LAMP1: variants seen among roughly 807,000 people sequenced by gnomAD.
LAMP1 encodes lysosome-associated membrane glycoprotein 1.
LAMP1 carries 7 observed loss-of-function variants against 37.5 expected under a neutral mutation model. The observed-to-expected ratio is 0.19, with a 90% CI of 0.11 to 0.35. The LOEUF (loss-of-function observed/expected upper bound fraction) is 0.35. Ranked by LOEUF, LAMP1 falls within the 10% of genes least tolerant of loss-of-function variation. LAMP1 has a pLI of 1.00. For synonymous variants in LAMP1, 236 were observed against 229.1 expected (o/e 1.03, Z -0.27); for missense variants, 537 against 552.8 (o/e 0.97, Z 0.29).
Position 113,321,755 on chromosome 13 carries a change from G to T in LAMP1, c.1114+28G>T. 6.2e-7 allele frequency: 1 copy of T among 1,609,030 alleles called. No homozygotes were observed. Among genetic ancestry groups the T allele is most frequent in the Non-Finnish European group, 8.5e-7 (1 of 1,178,150 alleles). ...GAGTGTCACCGAGGGCAGCTGTCGC[G>T]GGGTGTGGAGGACGTGCTTCAGACT... On this transcript the variant is annotated intron_variant, in intron 8 of 8. Transcript: ENST00000332556. The surrounding 1 kb of genome is among the most constrained non-coding windows in gnomAD (Gnocchi z 5.6).
intron 2 of LAMP1, among the ~76,000 whole-genome samples, chr13:113,307,545 A>C (rs949681472): frequency 3.3e-5 from 5 of 152,048 alleles, no homozygotes; most frequent in Non-Finnish European, 7.4e-5. Flanking sequence ...CTCCCCTATT[A>C]GTAATTGGTA....
intron 4 of LAMP1, 75 bp from the exon 5 acceptor site, chr13:113,319,394 T>G: frequency 7.4e-6 from 10 of 1,351,940 alleles, no homozygotes; most frequent in South Asian, 2.8e-5. Flanking sequence ...GTTTTGTTTC[T>G]GAGTTTGGAT....
intron 2 of LAMP1, among the ~76,000 whole-genome samples, chr13:113,306,834 CTTTTTTTTTTTTTT>C (rs780041684): frequency 3.7e-5 from 3 of 80,160 alleles, no homozygotes; most frequent in African/African-American, 9.7e-5. Context: ...GAACATTTTC[CTTTTTTTTTTTTTT>C]TTTTTTTTTG....
rs1595464556 is a variant in LAMP1 at position 113,320,547 on chromosome 13, T to G, written c.876+77T>G. The stretch of plus-strand genomic sequence containing the variant: ...TCTTTTTGTGCCCTGGGTCTGCTCA[T>G]GGGAGGCAGCGTTAGGAAGGAGGCG... On this transcript the variant is annotated intron_variant, in intron 6 of 8. Transcript: ENST00000332556. The surrounding 1 kb of genome is among the most constrained non-coding windows in gnomAD (Gnocchi z 4.4). The G allele has an allele frequency of 2.0e-6, 3 of 1,518,430 alleles. No individual in the cohort carries two copies. The highest frequency in any genetic ancestry group is 2.7e-6 in the Non-Finnish European group (3 of 1,121,316). 94.1% of individuals were successfully genotyped at this position (1,518,430 alleles called of 1,614,324 possible). A position where few individuals can be genotyped will look rare whatever the true frequency, so the allele number is the denominator to read the frequency against.
intron 1 of LAMP1, among the ~76,000 whole-genome samples, chr13:113,299,116 G>A (rs1464312643): frequency 6.6e-6 from 1 of 151,936 alleles, no homozygotes; most frequent in East Asian, 1.9e-4. Flanking sequence ...CTCCAGCCTG[G>A]GCAACTGAGG....
Position 113,297,510 on chromosome 13 carries a change from G to A in LAMP1, c.61+15G>A. ...GCTGCTGCTCGGTGAGGGGGTCGAG[G>A]CGGGGCCTGGGAGCGGCGGGACCGG... On this transcript the variant is annotated intron_variant, in intron 1 of 8. Coordinates refer to ENST00000332556, the MANE Select transcript of LAMP1 (RefSeq NM_005561.4). This position sits in a 1 kb window ranked among gnomAD's most constrained non-coding sequence, Gnocchi z 4.4. The A allele has an allele frequency of 8.1e-7, 1 of 1,240,192 alleles. No homozygotes were observed. The highest frequency in any genetic ancestry group is 3.5e-5 in the South Asian group (1 of 28,952). The allele number at this position is 1,240,192 out of a possible 1,614,324, so 76.8% of individuals were successfully genotyped here.
intron 2 of LAMP1, 99 bp downstream of exon 2, chr13:113,306,705 TG>T (rs2042600547): frequency 7.3e-7 from 1 of 1,362,326 alleles, no homozygotes; most frequent in Admixed American, 2.2e-5. Context: ...CATCTGAACA[TG>T]GTGCTTTTCC....
intron 1 of LAMP1, among the ~76,000 whole-genome samples, chr13:113,299,552 C>T (rs186909468): frequency 1.8e-4 from 27 of 150,004 alleles, no homozygotes; most frequent in African/African-American, 5.6e-4. Flanking sequence ...TTTGAGCCAC[C>T]GTACTTGGCC....
rs548803582 is a variant in LAMP1 at position 113,320,031 on chromosome 13, T to C, written c.751-314T>C. On this transcript the variant is annotated intron_variant, in intron 5 of 8. Transcript: ENST00000332556. The surrounding 1 kb of genome is among the most constrained non-coding windows in gnomAD (Gnocchi z 4.4). ...TGAAATAGTTTTTCTCCCCTAGTAG[T>C]GACAGGCTGTGGGGTTGTGGGGGTC... Among the ~76,000 whole-genome samples, 12 of 152,362 alleles carry C rather than the reference T, an allele frequency of 7.9e-5. No individual in the cohort carries two copies. The South Asian group carries it at 2.3e-3, about 29-fold the overall frequency.
chr13:113,308,396 G>A (rs141660022), intron 2 of LAMP1, among the ~76,000 whole-genome samples: 14 of 133,938 alleles, frequency 1.0e-4, no homozygotes, highest in Admixed American at 2.7e-4. Context: ...ACAATGGCGC[G>A]TTCTTGGCTC....
At chr13:113,309,579 T>C in intron 2 of LAMP1, 64 bp from the exon 3 acceptor site, 1 of 1,253,562 alleles carries the variant, frequency 8.0e-7, no homozygotes. Flanking sequence ...ACAGAAAATC[T>C]CTTTCTTTGA....
chr13:113,303,620 G>T lies in LAMP1; in HGVS notation c.62-2865G>T, dbSNP rs540308344. Among the ~76,000 whole-genome samples, 6 of 151,816 alleles carry T rather than the reference G, an allele frequency of 4.0e-5. No individual in the cohort carries two copies. The South Asian group carries it at 1.2e-3, about 32-fold the overall frequency. ...CATACATTTCCTCCTCAAGCTCTGT[G>T]TGCTGATGCTCTTATTTTCTTCTAT... On this transcript the variant is annotated intron_variant, in intron 1 of 8. Transcript: ENST00000332556.
chr13:113,306,729 T>C, intron 2 of LAMP1, 123 bp downstream of exon 2: 4 of 1,091,122 alleles, frequency 3.7e-6, no homozygotes, highest in Non-Finnish European at 5.2e-6. Context: ...TCTGCATATC[T>C]CCTTCTGGTG....
chr13:113,298,777 C>T (rs948451645), intron 1 of LAMP1, among the ~76,000 whole-genome samples: 1 of 152,262 alleles, frequency 6.6e-6, no homozygotes, highest in African/African-American at 2.4e-5. Context: ...TGTCATGTCA[C>T]AGCAACTGCA....
intron 4 of LAMP1, among the ~76,000 whole-genome samples, chr13:113,313,381 G>A (rs777896449): frequency 2.6e-5 from 4 of 152,210 alleles, no homozygotes; most frequent in Non-Finnish European, 4.4e-5. Flanking sequence ...CTGCCGCTGC[G>A]CATGTACAGC....
In LAMP1 at chr13:113,321,609, C is replaced by G. The variant is rs374840461; in HGVS notation, c.996C>G (p.Val332=). 5.0e-6 allele frequency: 8 copies of G among 1,614,062 alleles called. No individual in the cohort carries two copies. The African/African-American group carries it at 1.1e-4, about 22-fold the overall frequency. ...NGSLRALQAT[V]GNSYKCNAEE... ...CCCTGCGAGCGCTGCAGGCCACAGTCGGCAATTCCTACAAGTGCAACGCGG... is the reference window on the plus strand; with the variant it reads ...CCCTGCGAGCGCTGCAGGCCACAGTGGGCAATTCCTACAAGTGCAACGCGG... Residue 332 remains valine (V), a synonymous_variant, in exon 8 of 9, where the codon GTC becomes GTG. Transcript: ENST00000332556. The surrounding 1 kb of genome is among the most constrained non-coding windows in gnomAD (Gnocchi z 5.6).
chr13:113,317,478 A>G (rs535329998), intron 4 of LAMP1, among the ~76,000 whole-genome samples: 1 of 152,282 alleles, frequency 6.6e-6, no homozygotes, highest in South Asian at 2.1e-4. Flanking sequence ...TTGTGTTTCC[A>G]GCTTCTTGTG....
In LAMP1 at chr13:113,321,788, T is replaced by C. The variant is rs748834528; in HGVS notation, c.1114+61T>C. 1.1e-5 allele frequency: 17 copies of C among 1,544,452 alleles called. No homozygotes were observed. The highest frequency in any genetic ancestry group is 1.5e-5 in the Non-Finnish European group (17 of 1,127,864). ...GAGGACGTGCTTCAGACTCCGCCTG[T>C]GGACGTTTAGTCGCTTCCGTGTGGG... is the stretch of plus-strand genomic sequence containing the variant. On this transcript the variant is annotated intron_variant, in intron 8 of 8. Coordinates refer to ENST00000332556, the MANE Select transcript of LAMP1 (RefSeq NM_005561.4). This position sits in a 1 kb window ranked among gnomAD's most constrained non-coding sequence, Gnocchi z 5.6.
intron 1 of LAMP1, among the ~76,000 whole-genome samples, chr13:113,304,271 A>G (rs2042587705): frequency 6.6e-6 from 1 of 152,156 alleles, no homozygotes; most frequent in Non-Finnish European, 1.5e-5. Context: ...GTCAGTGGTG[A>G]CTGTGGGCCC....
Sources: allele counts gnomAD v4.1 joint callset (sites outside exome capture counted in the v4.1 genomes callset), GRCh38; gene constraint gnomAD v4.1.1; non-coding constraint Gnocchi (gnomAD v3.1); transcripts MANE v1.5; gene names NCBI Gene and HGNC (gene_info 2026-07-23, HGNC 2026-07-21).